Variants in CEP85L observed in about 807,000 individuals in gnomAD.
CEP85L encodes centrosomal protein of 85 kDa-like.
CEP85L carries 60 observed loss-of-function variants against 100.3 expected under a neutral mutation model. The observed-to-expected ratio is 0.60, with a 90% confidence interval of 0.49 to 0.74. CEP85L has a LOEUF of 0.74. CEP85L is among the 30% of genes least tolerant of loss of function. The pLI, the probability that CEP85L is intolerant of heterozygous loss-of-function variation, is 0.00. For synonymous variants in CEP85L, 319 were observed against 322.7 expected, an observed-to-expected ratio of 0.99 and a Z score of 0.12; for missense variants, 973 against 936.2, an observed-to-expected ratio of 1.04 and a Z score of -0.51.
intron 2 of CEP85L, among the ~76,000 whole-genome samples, chr6:118,597,387 C>A (rs1781511430): frequency 1.3e-5 from 2 of 152,156 alleles, no homozygotes; most frequent in Non-Finnish European, 2.9e-5. Context: ...CAATCACTCA[C>A]TGTTTCATAC....
intron 2 of CEP85L, among the ~76,000 whole-genome samples, chr6:118,624,867 A>G (rs1583186697): frequency 6.6e-6 from 1 of 152,238 alleles, no homozygotes; most frequent in African/African-American, 2.4e-5. Context: ...CCAAGTCCAT[A>G]TAAGAAACTA....
chr6:118,672,882 A>G (rs1428926099), intron 1 of CEP85L, among the ~76,000 whole-genome samples: 1 of 151,838 alleles, frequency 6.6e-6, no homozygotes, highest in Non-Finnish European at 1.5e-5. Context: ...GACAATGACA[A>G]CGAAGAAGAA....
At chr6:118,611,574 T>G (rs942487330) in intron 2 of CEP85L, among the ~76,000 whole-genome samples, 9 of 152,168 alleles carry the variant, frequency 5.9e-5, no homozygotes, top group African/African-American at 2.2e-4. Context: ...GCACAGCAGA[T>G]TGATGAGAAA....
chr6:118,556,206 T>A lies in CEP85L; in HGVS notation c.1020+9323A>T, dbSNP rs543086557. Among the ~76,000 whole-genome samples, 3 of 152,354 alleles carry A rather than the reference T, an allele frequency of 2.0e-5. No individual in the cohort carries two copies. In the South Asian group the frequency reaches 6.2e-4, roughly 32 times the overall value. ...GGGTCGAATGGTAGTTCTGCTTTTA[T>A]AAGCTGCTATTTTCTAAGTAGAAGT... On this transcript the variant is annotated intron_variant, in intron 3 of 12. Transcript: ENST00000368491.
At chr6:118,545,877 A>G (rs1321979819) in intron 3 of CEP85L, among the ~76,000 whole-genome samples, 1 of 152,192 alleles carries the variant, frequency 6.6e-6, no homozygotes, top group Non-Finnish European at 1.5e-5. Context: ...TCATTAAACC[A>G]TCACAAATAC....
At chr6:118,530,515 G>A (rs763077266) in intron 3 of CEP85L, among the ~76,000 whole-genome samples, 2 of 151,948 alleles carry the variant, frequency 1.3e-5, no homozygotes, top group African/African-American at 4.8e-5. Flanking sequence ...GGAAGTCCTA[G>A]CCAGAGCAAT....
intron 3 of CEP85L, among the ~76,000 whole-genome samples, chr6:118,551,591 G>A (rs760276306): frequency 7.2e-5 from 11 of 152,000 alleles, no homozygotes; most frequent in Non-Finnish European, 1.6e-4. Flanking sequence ...AAGCTAAATT[G>A]TCAGTTTTAG....
chr6:118,686,196 GT>G (rs11364398), intron 1 of CEP85L, among the ~76,000 whole-genome samples: 67,583 of 149,034 alleles, frequency 0.45, 15,696 homozygotes, highest in African/African-American at 0.57. Context: ...AGCAACACAT[GT>G]TTTTTTTTTT....
In CEP85L at chr6:118,462,123, A is replaced by G. The variant is rs949121126; in HGVS notation, c.*3282T>C. 6.6e-6 allele frequency: 1 copy of G among 152,036 alleles called. No homozygotes were observed. 9.4% of individuals were successfully genotyped at this position (152,036 alleles called of 1,614,324 possible). ...GACATTCATTTTAGCAACACTTTCC[A>G]GCCCTTGAGATTGTCTCTACAACAA... On this transcript the variant is annotated 3_prime_UTR_variant, in exon 13 of 13. Transcript: ENST00000368491.
rs1208844889 is a variant in CEP85L at position 118,462,859 on chromosome 6, G to C, written c.*2546C>G. Reference sequence around the variant, plus strand: ...AAATAAAAATCAAAAAGTAAATACTGACAAACTAGATAGAATACTATTAGT... The same window carrying C: ...AAATAAAAATCAAAAAGTAAATACTCACAAACTAGATAGAATACTATTAGT... On this transcript the variant is annotated 3_prime_UTR_variant, in exon 13 of 13. Transcript: ENST00000368491. 6.6e-6 allele frequency: 1 copy of C among 151,828 alleles called. No homozygotes were observed. The highest frequency in any genetic ancestry group is 2.4e-5 in the African/African-American group (1 of 41,390). 9.4% of individuals were successfully genotyped at this position (151,828 alleles called of 1,614,324 possible). A position where few individuals can be genotyped will look rare whatever the true frequency, so the allele number is the denominator to read the frequency against.
intron 2 of CEP85L, among the ~76,000 whole-genome samples, chr6:118,582,570 G>A (rs1780635075): frequency 1.3e-5 from 2 of 152,154 alleles, no homozygotes; most frequent in Non-Finnish European, 2.9e-5. Context: ...AACCCTGATT[G>A]GAACCCCAAT....
At chr6:118,553,432 T>C (rs1778669291) in intron 3 of CEP85L, among the ~76,000 whole-genome samples, 1 of 152,190 alleles carries the variant, frequency 6.6e-6, no homozygotes, top group South Asian at 2.1e-4. Flanking sequence ...ATTATCATCA[T>C]ACAAATGTTG....
chr6:118,613,426 C>A (rs780388225), intron 2 of CEP85L, among the ~76,000 whole-genome samples: 1 of 152,090 alleles, frequency 6.6e-6, no homozygotes, highest in South Asian at 2.1e-4. Context: ...TTAAGGAAAT[C>A]GAATTCATAA....
At chr6:118,693,962 C>T (rs1777124857) in intron 1 of CEP85L, among the ~76,000 whole-genome samples, 1 of 152,060 alleles carries the variant, frequency 6.6e-6, no homozygotes, top group African/African-American at 2.4e-5. Context: ...GCATTTTGGG[C>T]TTCTGGGGTG....
chr6:118,604,267 A>G (rs1044516589), intron 2 of CEP85L, among the ~76,000 whole-genome samples: 3 of 152,152 alleles, frequency 2.0e-5, no homozygotes, highest in Non-Finnish European at 4.4e-5. Flanking sequence ...TTTGTGAAAG[A>G]GCAGATTAGT....
intron 2 of CEP85L, among the ~76,000 whole-genome samples, chr6:118,570,011 A>G (rs1476115975): frequency 2.0e-5 from 3 of 152,212 alleles, no homozygotes; most frequent in African/African-American, 7.2e-5. Context: ...CAATTTGTAC[A>G]TATCACTGTT....
intron 2 of CEP85L, among the ~76,000 whole-genome samples, chr6:118,595,590 C>T (rs1270347537): frequency 6.6e-6 from 1 of 152,062 alleles, no homozygotes; most frequent in Non-Finnish European, 1.5e-5. Context: ...TCTAAAAGCT[C>T]CAGGTTAAAA....
chr6:118,521,794 C>A (rs934751375), intron 4 of CEP85L, among the ~76,000 whole-genome samples: 1 of 152,170 alleles, frequency 6.6e-6, no homozygotes, highest in Non-Finnish European at 1.5e-5. Context: ...ACCCAGCCCC[C>A]ACCTGCTACC....
chr6:118,608,420 G>A (rs566715805), intron 2 of CEP85L, among the ~76,000 whole-genome samples: 11 of 152,100 alleles, frequency 7.2e-5, no homozygotes, highest in South Asian at 4.2e-4. Flanking sequence ...GCATGAACCC[G>A]GGAGGCAGAG....
Sources: gnomAD v4.1 joint callset for allele counts (sites outside exome capture counted in the v4.1 genomes callset) on GRCh38, gnomAD v4.1.1 for gene constraint, MANE v1.5 for transcripts, NCBI Gene and HGNC (gene_info 2026-07-23, HGNC 2026-07-21) for gene names.